CNOT11: variants seen among roughly 807,000 people sequenced by gnomAD.
CNOT11 encodes the protein CCR4-NOT transcription complex subunit 11.
In CNOT11, 18 loss-of-function variants were observed where a neutral mutation model predicts 44.6. The observed-to-expected ratio is 0.40, with a 90% CI of 0.28 to 0.60. The LOEUF (loss-of-function observed/expected upper bound fraction) is 0.60, where lower values mean the gene tolerates loss of function less well. Ranked by LOEUF, CNOT11 falls within the 20% of genes least tolerant of loss-of-function variation. The pLI is 0.38. For missense variants in CNOT11, 513 were observed against 677.0 expected (o/e 0.76, Z 2.69); for synonymous variants, 291 against 270.9 (o/e 1.07, Z -0.73).
intron 5 of CNOT11, among the ~76,000 whole-genome samples, chr2:101,268,648 T>TTC (rs1271267133): frequency 4.6e-5 from 7 of 152,318 alleles, no homozygotes; most frequent in Non-Finnish European, 1.0e-4. Flanking sequence ...AATTCATACT[T>TTC]TGAGTACGGA....
chr2:101,264,764 A>G (rs914041794), intron 3 of CNOT11, 81 bp from the exon 4 acceptor site: 50 of 1,112,708 alleles, frequency 4.5e-5, no homozygotes, highest in Non-Finnish European at 6.6e-5. Context: ...ATTTCTTTGC[A>G]TACTTTATTA....
At position 101,269,046 on chromosome 2, in the gene CNOT11, T is replaced by G. The variant is rs1261069459; in HGVS notation, c.1245T>G (p.Thr415=). The G allele has an allele frequency of 6.3e-7, 1 of 1,599,614 alleles. No individual in the cohort carries two copies. Among genetic ancestry groups the G allele is most frequent in the Admixed American group, 1.7e-5 (1 of 57,888 alleles). Reference sequence around the variant, plus strand: ...ATTTTCTTTTACGAAACAGACTAACTACAGCTGTTGATCTACCTCCTGAAT... The same window carrying G: ...ATTTTCTTTTACGAAACAGACTAACGACAGCTGTTGATCTACCTCCTGAAT... The part of the protein sequence containing the change: ...LHSMEVVNRL[T]TAVDLPPEFI... The change falls in exon 6 of 7, where the codon ACT becomes ACG. Residue 415 remains threonine, a synonymous_variant. Transcript: ENST00000289382. This position sits in a 1 kb window ranked among gnomAD's most constrained non-coding sequence, Gnocchi z 4.8.
intron 5 of CNOT11, among the ~76,000 whole-genome samples, chr2:101,268,577 G>C (rs964641464): frequency 6.6e-6 from 1 of 152,062 alleles, no homozygotes; most frequent in African/African-American, 2.4e-5. Context: ...ATGCCTTATT[G>C]AAAAAAGTTT....
chr2:101,268,247 T>A (rs1286185259), intron 5 of CNOT11, among the ~76,000 whole-genome samples: 1 of 152,224 alleles, frequency 6.6e-6, no homozygotes, highest in African/African-American at 2.4e-5. Context: ...AGACTCACTC[T>A]TTTCAGTGGC....
intron 2 of CNOT11, among the ~76,000 whole-genome samples, chr2:101,258,401 A>AT (rs1241497552): frequency 7.3e-6 from 1 of 136,542 alleles, no homozygotes; most frequent in African/African-American, 3.2e-5. Context: ...ATCTCAATAA[A>AT]TAAATAAATA....
chr2:101,257,480 T>C (rs553956365), intron 1 of CNOT11, among the ~76,000 whole-genome samples: 32 of 152,142 alleles, frequency 2.1e-4, no homozygotes, highest in Non-Finnish European at 7.4e-5. Context: ...TCCTGGCCGA[T>C]GTTTTAACTA....
chr2:101,266,934 G>A, intron 5 of CNOT11, 55 bp downstream of exon 5: 1 of 1,320,772 alleles, frequency 7.6e-7, no homozygotes, highest in Non-Finnish European at 1.1e-6. Flanking sequence ...TAGATGGCCA[G>A]GAAAGAAAAA....
Position 101,258,090 on chromosome 2 carries a change from C to T in CNOT11, c.679+135C>T, listed in dbSNP as rs570813133. On this transcript the variant is annotated intron_variant, in intron 2 of 6. Coordinates refer to ENST00000289382, the MANE Select transcript of CNOT11 (RefSeq NM_017546.5). ...TCCATTTTAAAAAGTAGTTTTAGTA[C>T]TGGATCTTAAATGGAAGTCTTGGCT... The T allele has an allele frequency of 4.8e-5, 43 of 899,878 alleles. No homozygotes were observed. In the South Asian group the frequency reaches 8.9e-4, roughly 19 times the overall value. 55.7% of individuals were successfully genotyped at this position (899,878 alleles called of 1,614,324 possible).
At position 101,266,712 on chromosome 2, in the gene CNOT11, C is replaced by G; in HGVS notation, c.1071C>G (p.Val357=). The change falls in exon 5 of 7, where the codon GTC becomes GTG. Residue 357 remains valine, a synonymous_variant. Coordinates refer to ENST00000289382, the MANE Select transcript of CNOT11 (RefSeq NM_017546.5). ...LGELEKDPKL[V]YHIGLTPAKL... ...AGTTGGAAAAAGACCCCAAACTTGT[C>G]TACCATATTGGCCTCACCCCAGCCA... The G allele has an allele frequency of 3.1e-6, 5 of 1,614,124 alleles. No individual in the cohort carries two copies. Among genetic ancestry groups the G allele is most frequent in the Non-Finnish European group, 4.2e-6 (5 of 1,180,002 alleles).
In CNOT11 at chr2:101,269,498, C is replaced by A; in HGVS notation, c.*85C>A. The stretch of plus-strand genomic sequence containing the variant: ...CACCGTTAAAACCCTGAGTGGATTG[C>A]TTGGTTTAATGCATATAAACAGTAC... On this transcript the variant is annotated 3_prime_UTR_variant, in exon 7 of 7. Coordinates refer to ENST00000289382, the MANE Select transcript of CNOT11 (RefSeq NM_017546.5). This position sits in a 1 kb window ranked among gnomAD's most constrained non-coding sequence, Gnocchi z 4.8. 1 of 1,266,750 alleles carries A rather than the reference C, an allele frequency of 7.9e-7. No individual in the cohort carries two copies. The highest frequency in any genetic ancestry group is 2.3e-5 in the East Asian group (1 of 42,656). 78.5% of individuals were successfully genotyped at this position (1,266,750 alleles called of 1,614,324 possible). A position where few individuals can be genotyped will look rare whatever the true frequency, so the allele number is the denominator to read the frequency against.
intron 1 of CNOT11, among the ~76,000 whole-genome samples, chr2:101,257,567 AC>A (rs1681763031): frequency 1.3e-5 from 2 of 152,158 alleles, no homozygotes; most frequent in Non-Finnish European, 2.9e-5. Flanking sequence ...GTTAACAAGT[AC>A]AAAAACCTTA....
intron 1 of CNOT11, among the ~76,000 whole-genome samples, chr2:101,257,079 T>A (rs55794811): frequency 0.25 from 37,728 of 149,672 alleles, 4,777 homozygotes; most frequent in Middle Eastern, 0.36. Context: ...ATGAAGTTAC[T>A]AATGTGAGAG....
chr2:101,256,357 G>A (rs1681736041), intron 1 of CNOT11, among the ~76,000 whole-genome samples: 1 of 152,162 alleles, frequency 6.6e-6, no homozygotes, highest in South Asian at 2.1e-4. Flanking sequence ...ATGGTAAGAG[G>A]AAGTATGGAC....
chr2:101,253,610 C>T lies in CNOT11; in HGVS notation c.514+132C>T. ...ATGATCATCCTCTTTTTCCGCCTCT[C>T]TCTGCGTTCCCACGCCCCTCACTCC... On this transcript the variant is annotated intron_variant, in intron 1 of 6. Transcript: ENST00000289382. The surrounding 1 kb of genome is among the most constrained non-coding windows in gnomAD (Gnocchi z 4.3). 1.1e-6 allele frequency: 1 copy of T among 911,082 alleles called. No homozygotes were observed. Among genetic ancestry groups the T allele is most frequent in the Non-Finnish European group, 1.6e-6 (1 of 640,150 alleles). The allele number at this position is 911,082 out of a possible 1,614,324, so 56.4% of individuals were successfully genotyped here.
chr2:101,261,816 C>T (rs1228032043), intron 2 of CNOT11, among the ~76,000 whole-genome samples: 1 of 149,642 alleles, frequency 6.7e-6, no homozygotes, highest in African/African-American at 2.4e-5. Flanking sequence ...AGTTACTAGT[C>T]CATTTTTTCC....
chr2:101,264,749 A>T, intron 3 of CNOT11, 96 bp from the exon 4 acceptor site: 2 of 955,980 alleles, frequency 2.1e-6, no homozygotes, highest in Non-Finnish European at 3.3e-6. Flanking sequence ...CATCCTTATT[A>T]AGAGATTTCT....
intron 2 of CNOT11, among the ~76,000 whole-genome samples, chr2:101,259,182 A>T (rs1173399629): frequency 6.6e-6 from 1 of 152,114 alleles, no homozygotes. Context: ...CCTTGTTGAA[A>T]ATCATTTGCC....
rs564957500 is a variant in CNOT11, at chr2:101,254,039, G to A, written c.514+561G>A. On this transcript the variant is annotated intron_variant, in intron 1 of 6. Transcript: ENST00000289382. ...TGACTTACTGGACATTATGTAAAGTGCATACGTGGTATACATTATGTAAAA... is the reference window on the plus strand; with the variant it reads ...TGACTTACTGGACATTATGTAAAGTACATACGTGGTATACATTATGTAAAA... Among the ~76,000 whole-genome samples, 11 of 152,314 alleles carry A rather than the reference G, an allele frequency of 7.2e-5. 1 individual carries two copies. The highest frequency in any genetic ancestry group is 5.2e-4 in the Admixed American group (8 of 15,304).
intron 2 of CNOT11, 49 bp from the exon 3 acceptor site, chr2:101,262,490 T>C (rs1681888011): frequency 6.5e-7 from 1 of 1,547,888 alleles, no homozygotes; most frequent in Non-Finnish European, 8.9e-7. Flanking sequence ...AGCTTGTCTT[T>C]TCTCTCTCCT....
Sources: allele counts gnomAD v4.1 joint callset (sites outside exome capture counted in the v4.1 genomes callset), GRCh38; gene constraint gnomAD v4.1.1; non-coding constraint Gnocchi (gnomAD v3.1); transcripts MANE v1.5; gene names NCBI Gene and HGNC (gene_info 2026-07-23, HGNC 2026-07-21).